HPGDS: variants seen among roughly 807,000 people sequenced by gnomAD.
HPGDS encodes hematopoietic prostaglandin D synthase.
Under a neutral mutation model 23.1 loss-of-function variants are expected in HPGDS, and 26 were observed. The observed-to-expected ratio is 1.13, with a 90% CI of 0.83 to 1.56. HPGDS has a LOEUF of 1.56. Among genes scored for constraint, HPGDS ranks in the 40% most tolerant of loss-of-function variants. HPGDS has a pLI of 0.00. For synonymous variants in HPGDS, 95 were observed against 77.9 expected (o/e 1.22, Z -1.16); for missense variants, 268 against 236.4 (o/e 1.13, Z -0.88).
chr4:94,314,961 G>A (rs1417436178), intron 3 of HPGDS, among the ~76,000 whole-genome samples: 1 of 152,224 alleles, frequency 6.6e-6, no homozygotes, highest in East Asian at 1.9e-4. Context: ...TAATCTCCTG[G>A]TGTGCCGTTT....
intron 2 of HPGDS, among the ~76,000 whole-genome samples, chr4:94,332,105 C>A (rs1317611831): frequency 6.6e-6 from 1 of 152,082 alleles, no homozygotes; most frequent in East Asian, 1.9e-4. Context: ...GAAAGAAAAG[C>A]GGCCCAGCTG....
intron 1 of HPGDS, among the ~76,000 whole-genome samples, chr4:94,338,651 A>G (rs1721071930): frequency 6.6e-6 from 1 of 152,242 alleles, no homozygotes; most frequent in African/African-American, 2.4e-5. Context: ...ATAATGGTGA[A>G]TCAATAAAAG....
At chr4:94,301,402 G>A (rs75907988) in intron 5 of HPGDS, among the ~76,000 whole-genome samples, 8,011 of 152,160 alleles carry the variant, frequency 0.053, 312 homozygotes, top group Non-Finnish European at 0.084. Flanking sequence ...GTTGGAAAGT[G>A]GTGATAGTTT....
intron 4 of HPGDS, among the ~76,000 whole-genome samples, chr4:94,305,481 T>C (rs556217823): frequency 6.6e-6 from 1 of 152,268 alleles, no homozygotes; most frequent in Non-Finnish European, 1.5e-5. Context: ...AATTAAATAG[T>C]ATTTACAATA....
At chr4:94,312,814 G>T (rs947589857) in intron 3 of HPGDS, among the ~76,000 whole-genome samples, 9 of 152,142 alleles carry the variant, frequency 5.9e-5, no homozygotes, top group African/African-American at 1.9e-4. Flanking sequence ...ATGAAACTGG[G>T]TGCTCCTGTA....
chr4:94,325,676 G>C (rs1321834298), intron 2 of HPGDS, among the ~76,000 whole-genome samples: 1 of 152,186 alleles, frequency 6.6e-6, no homozygotes, highest in African/African-American at 2.4e-5. Context: ...CAATTTTCCA[G>C]ATACAGTCTG....
chr4:94,301,102 T>C (rs542105995), intron 5 of HPGDS, among the ~76,000 whole-genome samples: 6 of 152,220 alleles, frequency 3.9e-5, no homozygotes, highest in Admixed American at 2.6e-4. Flanking sequence ...TGAAGGGGTA[T>C]GTGAAGAGGT....
At chr4:94,310,723 G>C (rs1579430738) in intron 3 of HPGDS, among the ~76,000 whole-genome samples, 1 of 152,070 alleles carries the variant, frequency 6.6e-6, no homozygotes, top group Middle Eastern at 3.2e-3. Context: ...AAATTACCTT[G>C]GGCAGTATGG....
chr4:94,300,416 T>C (rs1188119799), intron 5 of HPGDS, among the ~76,000 whole-genome samples: 1 of 152,226 alleles, frequency 6.6e-6, no homozygotes, highest in East Asian at 1.9e-4. Flanking sequence ...GCTGTTACTT[T>C]GGCTCCATAT....
chr4:94,304,240 TTG>T (rs1441177350), intron 4 of HPGDS, among the ~76,000 whole-genome samples: 2 of 152,196 alleles, frequency 1.3e-5, no homozygotes, highest in Non-Finnish European at 2.9e-5. Flanking sequence ...CAAAATTATT[TTG>T]TGTTGGAACC....
intron 1 of HPGDS, among the ~76,000 whole-genome samples, chr4:94,340,043 C>G (rs1721106425): frequency 6.6e-6 from 1 of 152,116 alleles, no homozygotes; most frequent in South Asian, 2.1e-4. Flanking sequence ...TCTCCGCCTC[C>G]TGGGTTCAAG....
intron 2 of HPGDS, among the ~76,000 whole-genome samples, chr4:94,322,136 G>T (rs752345027): frequency 2.0e-5 from 3 of 152,050 alleles, no homozygotes; most frequent in Non-Finnish European, 4.4e-5. Flanking sequence ...GGTGGATAAG[G>T]TTTTTGATGT....
intron 3 of HPGDS, among the ~76,000 whole-genome samples, chr4:94,315,162 AC>A (rs1756370264): frequency 1.5e-5 from 1 of 64,860 alleles, no homozygotes; most frequent in South Asian, 1.0e-3. Flanking sequence ...CTACTGTCTG[AC>A]AATCCCCAGT....
intron 2 of HPGDS, among the ~76,000 whole-genome samples, chr4:94,331,842 A>G (rs1351133284): frequency 1.3e-5 from 2 of 152,090 alleles, no homozygotes; most frequent in Non-Finnish European, 2.9e-5. Flanking sequence ...CTTCACATTG[A>G]TAGAGGCAGG....
At chr4:94,300,452 G>A (rs528684207) in intron 5 of HPGDS, among the ~76,000 whole-genome samples, 4 of 152,158 alleles carry the variant, frequency 2.6e-5, no homozygotes, top group Non-Finnish European at 5.9e-5. Flanking sequence ...AAGTTTAAAT[G>A]TGGCCCACTC....
intron 3 of HPGDS, among the ~76,000 whole-genome samples, chr4:94,310,191 A>C (rs1335202744): frequency 6.6e-6 from 1 of 152,236 alleles, no homozygotes; most frequent in Non-Finnish European, 1.5e-5. Context: ...TGTTTTAGAC[A>C]TGAAGTCCCT....
intron 3 of HPGDS, among the ~76,000 whole-genome samples, chr4:94,310,690 G>A (rs1259320381): frequency 2.0e-5 from 3 of 152,168 alleles, no homozygotes; most frequent in African/African-American, 4.8e-5. Flanking sequence ...CTGGTAGCTT[G>A]ATGGGAACGG....
At chr4:94,325,109 T>A (rs1756602957) in intron 2 of HPGDS, among the ~76,000 whole-genome samples, 1 of 152,164 alleles carries the variant, frequency 6.6e-6, no homozygotes, top group African/African-American at 2.4e-5. Context: ...ACAGCAAATA[T>A]TGCAGAACAG....
At chr4:94,313,904 A>T (rs1209000585) in intron 3 of HPGDS, among the ~76,000 whole-genome samples, 1 of 152,042 alleles carries the variant, frequency 6.6e-6, no homozygotes, top group African/African-American at 2.4e-5. Flanking sequence ...TCCATCACTG[A>T]TACCCTTTCT....
Sources: allele counts gnomAD v4.1 joint callset (sites outside exome capture counted in the v4.1 genomes callset), GRCh38; gene constraint gnomAD v4.1.1; transcripts MANE v1.5; gene names NCBI Gene and HGNC (gene_info 2026-07-23, HGNC 2026-07-21).